DDX3X: variants seen among roughly 807,000 people sequenced by gnomAD.
DDX3X encodes the protein DEAD-box helicase 3 X-linked.
A neutral mutation model predicts 52.7 loss-of-function variants in DDX3X; 4 were observed. The ratio of observed to expected loss-of-function variants is 0.08; its 90% CI spans 0.04 to 0.17. The LOEUF (loss-of-function observed/expected upper bound fraction) is 0.17, where lower values mean the gene tolerates loss of function less well. Among genes scored for constraint, DDX3X ranks in the 10% least tolerant of loss-of-function variants. The probability of loss-of-function intolerance (pLI) is 1.00; values close to 1 mark genes in which losing one functional copy is unlikely to be tolerated. For synonymous variants in DDX3X, 192 were observed against 178.1 expected (o/e 1.08, Z -0.62); for missense variants, 222 against 548.6 (o/e 0.40, Z 5.95).
At chrX:41,346,445 G>A (rs1390135999) in intron 13 of DDX3X, 35 bp downstream of exon 13, 1 of 1,194,133 alleles carries the variant, frequency 8.4e-7, no homozygotes, top group Non-Finnish European at 1.1e-6. Context: ...TTCAAATTGA[G>A]CATGTTCAAG....
chrX:41,334,677 C>T (rs1405076551), intron 1 of DDX3X: 82 of 1,026,882 alleles, frequency 8.0e-5, no homozygotes, highest in Non-Finnish European at 1.0e-4. Flanking sequence ...GCCCTTTTGG[C>T]TTGGAGGGCT....
rs745919900 is a variant in DDX3X at position 41,347,084 on chromosome X, A to G, written c.1769+72A>G. 1.8e-5 allele frequency: 19 copies of G among 1,063,184 alleles called. No individual in the cohort carries two copies. The South Asian group carries it at 3.7e-4, about 20-fold the overall frequency. 87.6% of individuals were successfully genotyped at this position (1,063,184 alleles called of 1,213,427 possible). On this transcript the variant is annotated intron_variant, in intron 15 of 16. Transcript: ENST00000644876. ...AGTTCATAGTGTTTCCTCTGCATGC[A>G]TAACGTCCAAGGTTAACTGTACAGT...
At chrX:41,337,679 C>G in intron 2 of DDX3X, 2 of 327,927 alleles carry the variant, frequency 6.1e-6, no homozygotes, top group Non-Finnish European at 1.0e-5. Flanking sequence ...GAGCTTTGCT[C>G]TTGTTGCCCA....
Position 41,339,262 on chromosome X carries a change from C to A in DDX3X, c.151+179C>A, listed in dbSNP as rs1039292753. ...TTTTGGAAGAACTCATCTAATGTTA[C>A]GCAGTGGGAAATTCGGCATTCCTAT... On this transcript the variant is annotated intron_variant, in intron 3 of 16. Transcript: ENST00000644876. The A allele has an allele frequency of 1.7e-4, 39 of 223,421 alleles. No homozygotes were observed. The East Asian group carries it at 3.0e-3, about 17-fold the overall frequency. 18.4% of individuals were successfully genotyped at this position (223,421 alleles called of 1,213,427 possible).
rs747950068 is a variant in DDX3X at position 41,348,197 on chromosome X, A to G, written c.*478A>G. The G allele has an allele frequency of 5.1e-5, 11 of 215,357 alleles. No individual in the cohort carries two copies. Among genetic ancestry groups the G allele is most frequent in the Admixed American group, 7.2e-5 (1 of 13,824 alleles). The allele number at this position is 215,357 out of a possible 1,213,427, so 17.7% of individuals were successfully genotyped here. Reference sequence around the variant, plus strand: ...AATCATCGATTCATCCATAAATAATATAAGGAAAAACTTATGCGGTAGCCT... The same window carrying G: ...AATCATCGATTCATCCATAAATAATGTAAGGAAAAACTTATGCGGTAGCCT... On this transcript the variant is annotated 3_prime_UTR_variant, in exon 17 of 17. Transcript: ENST00000644876.
Position 41,349,755 on chromosome X carries a change from G to GA in DDX3X, c.*2036_*2037insA, listed in dbSNP as rs2063966810. 1 of 111,915 alleles carries GA rather than the reference G, an allele frequency of 8.9e-6. No homozygotes were observed. The highest frequency in any genetic ancestry group is 3.6e-4 in the South Asian group (1 of 2,749). 9.2% of individuals were successfully genotyped at this position (111,915 alleles called of 1,213,427 possible). ...GTGTAGCCATAACTTTCTGATGTTA[G>GA]TAAAAACAAAATTGGCGACTTGAAA... On this transcript the variant is annotated 3_prime_UTR_variant, in exon 17 of 17. Transcript: ENST00000644876.
At chrX:41,356,137 C>CTT (rs768758470) in intron 5 of DDX3X, among the ~76,000 whole-genome samples, 83 of 78,427 alleles carry the variant, frequency 1.1e-3, no homozygotes, top group African/African-American at 1.7e-3. Context: ...AATTTGTCAG[C>CTT]TTTTTTTTTT....
chrX:41,356,492 C>G (rs1308488822), intron 5 of DDX3X, among the ~76,000 whole-genome samples: 4 of 87,356 alleles, frequency 4.6e-5, no homozygotes, highest in African/African-American at 8.9e-5. Flanking sequence ...CGGAGTCTCA[C>G]TCTGTTGCCA....
Position 41,347,448 on chromosome X carries a change from G to C in DDX3X, c.1906G>C (p.Gly636Arg), listed in dbSNP as rs1351543785. 8.3e-7 allele frequency: 1 copy of C among 1,208,542 alleles called. No individual in the cohort carries two copies. Among genetic ancestry groups the C allele is most frequent in the Non-Finnish European group, 1.1e-6 (1 of 893,778 alleles). ...GGHGSSRGFG[G>R]GGYGGFYNSD... ...CCACGGTAGCAGCAGAGGATTTGGT[G>C]GAGGTAGTGTTAATCTGTAACTTCA... Residue 636 changes from glycine to arginine, a missense_variant, in exon 16 of 17, where the codon GGA (glycine) becomes CGA (arginine). Physicochemically the swap from Gly to Arg is moderately radical, Grantham distance 125. Transcript: ENST00000644876.
intron 15 of DDX3X, 93 bp from the exon 16 acceptor site, chrX:41,347,219 A>G: frequency 9.5e-7 from 1 of 1,050,161 alleles, no homozygotes; most frequent in Non-Finnish European, 1.3e-6. Flanking sequence ...AATTGTTTGA[A>G]TGGAAAAATT....
chrX:41,344,413 T>A lies in DDX3X; in HGVS notation c.1025+14T>A. On this transcript the variant is annotated intron_variant, in intron 10 of 16. Coordinates refer to ENST00000644876, the MANE Select transcript of DDX3X (RefSeq NM_001356.5). ...AGACTTTTGCAAGTATGTTTTATTT[T>A]GTTTTTGTTTTTTTGTTTTGTTTTG... The A allele has an allele frequency of 8.3e-7, 1 of 1,208,182 alleles. No homozygotes were observed.
intron 15 of DDX3X, 91 bp downstream of exon 15, chrX:41,347,103 G>A (rs1602137270): frequency 9.8e-7 from 1 of 1,015,887 alleles, no homozygotes; most frequent in Non-Finnish European, 1.3e-6. Context: ...AAGGTTAACT[G>A]TACAGTATTT....
intron 5 of DDX3X, chrX:41,357,951 C>T (rs1057324678): frequency 1.4e-5 from 4 of 293,121 alleles, no homozygotes; most frequent in African/African-American, 8.4e-5. Flanking sequence ...TATTTGAGAC[C>T]GACCAACCCT....
At chrX:41,353,869 T>C (rs1323985759), downstream of DDX3X, among the ~76,000 whole-genome samples, 1 of 108,648 alleles carries the variant, frequency 9.2e-6, no homozygotes. Flanking sequence ...ATAGAGAAAA[T>C]AACTTGTTCC....
chrX:41,363,719 G>T (rs1301149717), intron 5 of DDX3X, among the ~76,000 whole-genome samples: 2 of 111,289 alleles, frequency 1.8e-5, no homozygotes, highest in East Asian at 2.8e-4. Flanking sequence ...GGAGGCAAAG[G>T]TTGCAGTGAG....
intron 5 of DDX3X, among the ~76,000 whole-genome samples, chrX:41,363,256 C>T (rs965433262): frequency 4.6e-5 from 5 of 109,881 alleles, no homozygotes; most frequent in Non-Finnish European, 9.5e-5. Context: ...GAAACCTTGT[C>T]TCTACTAAAA....
chrX:41,351,083 AT>A (rs1362008540), downstream of DDX3X: 1 of 111,626 alleles, frequency 9.0e-6, no homozygotes, highest in Non-Finnish European at 1.9e-5. Flanking sequence ...TTGAGTCTCG[AT>A]TTAGTCAAAA....
At chrX:41,338,899 C>T (rs1236402206) in intron 2 of DDX3X, 137 bp from the exon 3 acceptor site, 3 of 217,138 alleles carry the variant, frequency 1.4e-5, no homozygotes, top group East Asian at 9.4e-5. Context: ...TTTTTCCCCC[C>T]TCTCAGTGTC....
chrX:41,344,922 C>CT (rs756324434), intron 10 of DDX3X, among the ~76,000 whole-genome samples: 9 of 111,629 alleles, frequency 8.1e-5, no homozygotes, highest in Non-Finnish European at 1.9e-5. Flanking sequence ...TTGGTTGAGA[C>CT]TTACAACAAT....
Sources: allele counts gnomAD v4.1 joint callset (sites outside exome capture counted in the v4.1 genomes callset), GRCh38; gene constraint gnomAD v4.1.1; transcripts MANE v1.5; gene names NCBI Gene and HGNC (gene_info 2026-07-23, HGNC 2026-07-21).